The following PHC2 variants were observed in gnomAD, a reference collection of about 807,000 sequenced individuals.
PHC2 encodes the protein polyhomeotic homolog 2, also known as polyhomeotic-like protein 2.
Under a neutral mutation model 87.4 loss-of-function variants are expected in PHC2, and 29 were observed. That is an observed-to-expected ratio of 0.33 (90% CI 0.25 to 0.45). PHC2 has a LOEUF of 0.45. Among genes scored for constraint, PHC2 ranks in the 20% least tolerant of loss-of-function variants. The pLI, the probability that PHC2 is intolerant of heterozygous loss-of-function variation, is 1.00. For synonymous variants in PHC2, 438 were observed against 461.7 expected (o/e 0.95, Z 0.66); for missense variants, 857 against 1,136.7 (o/e 0.75, Z 3.54).
intron 1 of PHC2, among the ~76,000 whole-genome samples, chr1:33,413,045 C>A (rs1037258782): frequency 1.3e-5 from 2 of 152,158 alleles, no homozygotes; most frequent in African/African-American, 4.8e-5. Flanking sequence ...CAGCTCACTG[C>A]AGCCTCTGCC....
intron 10 of PHC2, chr1:33,333,379 T>C (rs917311745): frequency 2.0e-5 from 3 of 152,370 alleles, no homozygotes; most frequent in African/African-American, 7.2e-5. Flanking sequence ...GCCAGATACT[T>C]TTCATCAGAA....
At chr1:33,351,951 C>CAAAAAAAA (rs10718909) in intron 9 of PHC2, among the ~76,000 whole-genome samples, 1 of 87,426 alleles carries the variant, frequency 1.1e-5, no homozygotes, top group Non-Finnish European at 2.1e-5. Context: ...GAATGCATCT[C>CAAAAAAAA]AAAAAAAAAA....
Position 33,332,498 on chromosome 1 carries a change from G to T in PHC2, c.1762-94C>A. On this transcript the variant is annotated intron_variant, in intron 10 of 14. Transcript: ENST00000683057. The surrounding 1 kb of genome is among the most constrained non-coding windows in gnomAD (Gnocchi z 4.2). ...CACAATTACACGTATAAAGTATCCA[G>T]GCACAGAGGCCAGCCCTCCTCAAAC... 7.0e-7 allele frequency: 1 copy of T among 1,435,232 alleles called. No homozygotes were observed. 88.9% of individuals were successfully genotyped at this position (1,435,232 alleles called of 1,614,324 possible). A position where few individuals can be genotyped will look rare whatever the true frequency, so the allele number is the denominator to read the frequency against.
chr1:33,397,429 G>C (rs1022470527), intron 1 of PHC2, among the ~76,000 whole-genome samples: 1 of 152,170 alleles, frequency 6.6e-6, no homozygotes, highest in Non-Finnish European at 1.5e-5. Context: ...TCATTCACGT[G>C]CACATTAAAG....
intron 1 of PHC2, among the ~76,000 whole-genome samples, chr1:33,427,764 A>G (rs1650741844): frequency 6.6e-6 from 1 of 152,248 alleles, no homozygotes; most frequent in Admixed American, 6.5e-5. Flanking sequence ...AGCGTGTCTA[A>G]CTGGCCTTGG....
rs1464308274 is a variant in PHC2 at position 33,382,611 on chromosome 1, G to A, written c.-54-7018C>T. 6.6e-6 allele frequency among the ~76,000 whole-genome samples: 1 copy of A among 152,048 alleles called. No individual in the cohort carries two copies. Among genetic ancestry groups the A allele is most frequent in the East Asian group, 1.9e-4 (1 of 5,188 alleles). On this transcript the variant is annotated intron_variant, in intron 1 of 14. Transcript: ENST00000683057. The surrounding 1 kb of genome is among the most constrained non-coding windows in gnomAD (Gnocchi z 4.3). ...TTTTGTATGAGCCCGGGCTCTGAAG[G>A]GCTATGATTCCTATTTAAGTCACTT...
In PHC2 at chr1:33,332,211, T is replaced by A; in HGVS notation, c.1891+64A>T. ...CCTCTGGGGAAACAGAGAGAGGAAGTGTGTGAGGCCTGCCTTTCCAGCCAC... is the reference window on the plus strand; with the variant it reads ...CCTCTGGGGAAACAGAGAGAGGAAGAGTGTGAGGCCTGCCTTTCCAGCCAC... On this transcript the variant is annotated intron_variant, in intron 11 of 14. Transcript: ENST00000683057. The surrounding 1 kb of genome is among the most constrained non-coding windows in gnomAD (Gnocchi z 4.2). 1 of 1,593,176 alleles carries A rather than the reference T, an allele frequency of 6.3e-7. No individual in the cohort carries two copies. Among genetic ancestry groups the A allele is most frequent in the Non-Finnish European group, 8.6e-7 (1 of 1,161,976 alleles).
intron 13 of PHC2, 30 bp downstream of exon 13, chr1:33,330,041 A>G: frequency 6.2e-7 from 1 of 1,609,536 alleles, no homozygotes; most frequent in Non-Finnish European, 8.5e-7. Flanking sequence ...GACTGTGGGG[A>G]TGGAGCTTCA....
At chr1:33,421,794 T>C (rs554423284) in intron 1 of PHC2, among the ~76,000 whole-genome samples, 1 of 152,338 alleles carries the variant, frequency 6.6e-6, no homozygotes, top group East Asian at 1.9e-4. Flanking sequence ...ATACTGGCAG[T>C]AGACGAGAAG....
At chr1:33,356,261 A>ATATATATAT (rs1428741100) in intron 7 of PHC2, among the ~76,000 whole-genome samples, 2 of 85,680 alleles carry the variant, frequency 2.3e-5, no homozygotes, top group Non-Finnish European at 5.1e-5. Context: ...ATATATATAT[A>ATATATATAT]TATATATATA....
At chr1:33,403,911 C>T (rs1649646895) in intron 1 of PHC2, among the ~76,000 whole-genome samples, 1 of 152,172 alleles carries the variant, frequency 6.6e-6, no homozygotes, top group South Asian at 2.1e-4. Context: ...TCTCGTACCA[C>T]CTAACCATTG....
rs1322756421 is a variant in PHC2, at chr1:33,382,696, T to C, written c.-54-7103A>G. Among the ~76,000 whole-genome samples the C allele has an allele frequency of 2.0e-5, 3 of 152,142 alleles. No homozygotes were observed. Among genetic ancestry groups the C allele is most frequent in the Non-Finnish European group, 2.9e-5 (2 of 68,014 alleles). On this transcript the variant is annotated intron_variant, in intron 1 of 14. Coordinates refer to ENST00000683057, the MANE Select transcript of PHC2 (RefSeq NM_001385109.1). The surrounding 1 kb of genome is among the most constrained non-coding windows in gnomAD (Gnocchi z 4.3). ...ATGTGCTGAATATAACTGGCTTGGA[T>C]AGTGATCTTATTACAGGTCTCTGCT...
At chr1:33,384,556 G>T (rs866179600) in intron 1 of PHC2, among the ~76,000 whole-genome samples, 1 of 152,102 alleles carries the variant, frequency 6.6e-6, no homozygotes, top group Non-Finnish European at 1.5e-5. Flanking sequence ...TGCCTACCAC[G>T]TGCTCCCACA....
chr1:33,325,252 C>T, intron 14 of PHC2: 1 of 504,162 alleles, frequency 2.0e-6, no homozygotes, highest in Non-Finnish European at 3.6e-6. Context: ...CTGTTCAGAC[C>T]CCTGCTCCAT....
At chr1:33,344,795 G>A (rs1214104254) in intron 9 of PHC2, among the ~76,000 whole-genome samples, 1 of 151,940 alleles carries the variant, frequency 6.6e-6, no homozygotes, top group Non-Finnish European at 1.5e-5. Context: ...TATCTGTAGA[G>A]GCGAGGTCTT....
At position 33,332,198 on chromosome 1, in the gene PHC2, C is replaced by G. The variant is rs572408118; in HGVS notation, c.1891+77G>C. The G allele has an allele frequency of 1.3e-3, 2,082 of 1,550,554 alleles. 46 individuals are homozygous for G. In the South Asian group the frequency reaches 0.022, roughly 16 times the overall value. On this transcript the variant is annotated intron_variant, in intron 11 of 14. Transcript: ENST00000683057. This position sits in a 1 kb window ranked among gnomAD's most constrained non-coding sequence, Gnocchi z 4.2. ...CTGGCTCAGGGTTCCTCTGGGGAAA[C>G]AGAGAGAGGAAGTGTGTGAGGCCTG...
At chr1:33,422,746 C>T (rs59021871) in intron 1 of PHC2, among the ~76,000 whole-genome samples, 2,694 of 152,232 alleles carry the variant, frequency 0.018, 74 homozygotes, top group African/African-American at 0.061. Context: ...TTCTAATTCT[C>T]ATTTTCTCTC....
rs371663090 is a variant in PHC2 at position 33,332,260 on chromosome 1, G to T, written c.1891+15C>A. The stretch of plus-strand genomic sequence containing the variant: ...ACGCTGGGAGGCCGAGAGATTCAGG[G>T]TCTGAGATGCCCACCTTGCAGATAG... On this transcript the variant is annotated intron_variant, in intron 11 of 14. Coordinates refer to ENST00000683057, the MANE Select transcript of PHC2 (RefSeq NM_001385109.1). The surrounding 1 kb of genome is among the most constrained non-coding windows in gnomAD (Gnocchi z 4.2). 3.1e-6 allele frequency: 5 copies of T among 1,613,884 alleles called. No individual in the cohort carries two copies. Among genetic ancestry groups the T allele is most frequent in the Non-Finnish European group, 4.2e-6 (5 of 1,179,882 alleles).
rs115247803 is a variant in PHC2, at chr1:33,385,347, A to G, written c.-54-9754T>C. On this transcript the variant is annotated intron_variant, in intron 1 of 14. Transcript: ENST00000683057. ...AACAAAAATCACACAAAGGCAAAGT[A>G]TCATGAGAGAGAGTTTAGAAAAGGG... Among the ~76,000 whole-genome samples, 317 of 152,350 alleles carry G rather than the reference A, an allele frequency of 2.1e-3. 1 individual carries two copies. Among genetic ancestry groups the G allele is most frequent in the African/African-American group, 7.5e-3 (310 of 41,574 alleles).
Sources: gnomAD v4.1 joint callset for allele counts (sites outside exome capture counted in the v4.1 genomes callset) on GRCh38, gnomAD v4.1.1 for gene constraint, Gnocchi (gnomAD v3.1) non-coding constraint, MANE v1.5 for transcripts, NCBI Gene and HGNC (gene_info 2026-07-23, HGNC 2026-07-21) for gene names.